IQSEC1: variants seen among roughly 807,000 people sequenced by gnomAD.
IQSEC1 encodes IQ motif and Sec7 domain ArfGEF 1.
In IQSEC1, 31 loss-of-function variants were observed where a neutral mutation model predicts 91.0. The ratio of observed to expected loss-of-function variants is 0.34; its 90% confidence interval spans 0.26 to 0.46. The LOEUF (loss-of-function observed/expected upper bound fraction) is 0.46. Among genes scored for constraint, IQSEC1 ranks in the 20% least tolerant of loss-of-function variants. The pLI, the probability that IQSEC1 is intolerant of heterozygous loss-of-function variation, is 1.00. For missense variants in IQSEC1, 1,388 were observed against 1,575.6 expected (o/e 0.88, Z 2.02); for synonymous variants, 699 against 662.6 (o/e 1.05, Z -0.84).
intron 1 of IQSEC1, among the ~76,000 whole-genome samples, chr3:13,027,243 G>A (rs1350129783): frequency 3.3e-5 from 5 of 152,350 alleles, no homozygotes; most frequent in Admixed American, 2.0e-4. Flanking sequence ...CAGCCTCCCA[G>A]GCAGCTGGCA....
At chr3:13,219,203 G>A (rs1048566380) in intron 1 of IQSEC1, among the ~76,000 whole-genome samples, 1 of 152,142 alleles carries the variant, frequency 6.6e-6, no homozygotes, top group East Asian at 1.9e-4. Flanking sequence ...TCACCAGCAG[G>A]CCCTGGCTGA....
intron 2 of IQSEC1, among the ~76,000 whole-genome samples, chr3:13,130,418 T>C (rs184642532): frequency 6.6e-6 from 1 of 152,162 alleles, no homozygotes; most frequent in Admixed American, 6.5e-5. Flanking sequence ...TTTAATTCCA[T>C]TGTGGTCAGT....
At chr3:13,231,117 T>C (rs1473467119) in intron 1 of IQSEC1, among the ~76,000 whole-genome samples, 4 of 152,262 alleles carry the variant, frequency 2.6e-5, no homozygotes, top group African/African-American at 4.8e-5. Flanking sequence ...CTTTTCAAAC[T>C]GATGTCTTAT....
chr3:13,044,765 A>G (rs1192323115), intron 1 of IQSEC1, among the ~76,000 whole-genome samples: 2 of 152,214 alleles, frequency 1.3e-5, no homozygotes, highest in Non-Finnish European at 2.9e-5. Context: ...GTGCCTTTGA[A>G]AGGCAGCAAT....
At chr3:12,980,377 C>A (rs988846156) in intron 1 of IQSEC1, among the ~76,000 whole-genome samples, 1 of 152,218 alleles carries the variant, frequency 6.6e-6, no homozygotes, top group Non-Finnish European at 1.5e-5. Context: ...AGTCTTGAGA[C>A]CCAGACGGAC....
chr3:12,987,314 G>T (rs1346129844), intron 1 of IQSEC1, among the ~76,000 whole-genome samples: 1 of 152,202 alleles, frequency 6.6e-6, no homozygotes, highest in Non-Finnish European at 1.5e-5. Context: ...GTAGCGAGAG[G>T]TATGGTACGT....
intron 2 of IQSEC1, among the ~76,000 whole-genome samples, chr3:13,151,259 T>C (rs1473611546): frequency 6.6e-6 from 1 of 152,062 alleles, no homozygotes; most frequent in Non-Finnish European, 1.5e-5. Context: ...GACGATGCTA[T>C]CGGGAGCCCC....
At chr3:13,176,837 C>T (rs1693739720) in intron 1 of IQSEC1, among the ~76,000 whole-genome samples, 1 of 152,190 alleles carries the variant, frequency 6.6e-6, no homozygotes, top group African/African-American at 2.4e-5. Context: ...ACCATCAGCT[C>T]GGTACAGATA....
chr3:13,072,266 C>T (rs1705457829), intron 1 of IQSEC1, among the ~76,000 whole-genome samples: 1 of 152,246 alleles, frequency 6.6e-6, no homozygotes, highest in African/African-American at 2.4e-5. Context: ...GCAAAGGTTG[C>T]TCCTCCTAGA....
chr3:13,233,212 A>T (rs768326155), intron 1 of IQSEC1, among the ~76,000 whole-genome samples: 35 of 152,216 alleles, frequency 2.3e-4, no homozygotes, highest in Non-Finnish European at 4.6e-4. Flanking sequence ...AGAGTCTCTT[A>T]GAGACCCAGA....
Position 13,073,131 on chromosome 3 carries a change from G to T in IQSEC1, c.-117C>A. Reference sequence around the variant, plus strand: ...GTGGAGGGGAATAAAATTAAATCGCGGGGCGAGTCACATTCCCGGGGGTGG... The same window carrying T: ...GTGGAGGGGAATAAAATTAAATCGCTGGGCGAGTCACATTCCCGGGGGTGG... On this transcript the variant is annotated 5_prime_UTR_variant, in exon 1 of 14. Transcript: ENST00000613206. The T allele has an allele frequency of 7.8e-7, 1 of 1,289,142 alleles. No individual in the cohort carries two copies. Among genetic ancestry groups the T allele is most frequent in the Non-Finnish European group, 1.1e-6 (1 of 912,886 alleles). The allele number at this position is 1,289,142 out of a possible 1,614,324, so 79.9% of individuals were successfully genotyped here. A position where few individuals can be genotyped will look rare whatever the true frequency, so the allele number is the denominator to read the frequency against.
At chr3:13,061,145 T>C (rs1016731793) in intron 1 of IQSEC1, among the ~76,000 whole-genome samples, 2 of 152,064 alleles carry the variant, frequency 1.3e-5, no homozygotes, top group African/African-American at 2.4e-5. Context: ...CCCTGTGCAG[T>C]TCCTACCCCT....
At chr3:13,095,324 C>T (rs755008187) in intron 2 of IQSEC1, among the ~76,000 whole-genome samples, 32 of 152,126 alleles carry the variant, frequency 2.1e-4, no homozygotes, top group Non-Finnish European at 3.2e-4. Context: ...TGCACATTCT[C>T]GGGTCTACCC....
intron 1 of IQSEC1, among the ~76,000 whole-genome samples, chr3:12,969,420 C>G (rs868479985): frequency 1.8e-4 from 27 of 152,216 alleles, no homozygotes; most frequent in African/African-American, 6.3e-4. Flanking sequence ...AAAAGATGGA[C>G]AAAAGTACCT....
intron 2 of IQSEC1, among the ~76,000 whole-genome samples, chr3:13,140,300 G>A (rs1217482577): frequency 3.3e-5 from 5 of 152,204 alleles, no homozygotes; most frequent in East Asian, 1.9e-4. Context: ...GCAGATTCAC[G>A]CTGTCACCTC....
chr3:12,904,160 C>G (rs1490732631), intron 12 of IQSEC1, among the ~76,000 whole-genome samples: 1 of 152,234 alleles, frequency 6.6e-6, no homozygotes, highest in African/African-American at 2.4e-5. Flanking sequence ...CTTCGAGCCT[C>G]CCCGTGCCAT....
chr3:13,171,600 C>T (rs935154057), intron 1 of IQSEC1, among the ~76,000 whole-genome samples: 1 of 152,206 alleles, frequency 6.6e-6, no homozygotes, highest in Non-Finnish European at 1.5e-5. Context: ...ACCCGAAGAC[C>T]TCAGCTTCCA....
chr3:13,272,274 G>C (rs1446908591), intron 1 of IQSEC1, among the ~76,000 whole-genome samples: 2 of 152,176 alleles, frequency 1.3e-5, no homozygotes, highest in Non-Finnish European at 2.9e-5. Flanking sequence ...CAGAATCATG[G>C]CAAGTGCTTA....
chr3:12,923,008 A>C (rs929852771), intron 4 of IQSEC1, among the ~76,000 whole-genome samples: 3 of 152,196 alleles, frequency 2.0e-5, no homozygotes, highest in African/African-American at 7.2e-5. Flanking sequence ...CCCCTCTCCC[A>C]GGGCCATCTC....
Sources: gnomAD v4.1 joint callset for allele counts (sites outside exome capture counted in the v4.1 genomes callset) on GRCh38, gnomAD v4.1.1 for gene constraint, MANE v1.5 for transcripts, NCBI Gene and HGNC (gene_info 2026-07-23, HGNC 2026-07-21) for gene names.